Variants in EDIL3 observed in about 807,000 individuals in gnomAD.
The protein encoded by EDIL3 is EGF like and discoidin domains 3.
EDIL3 carries 37 observed loss-of-function variants against 67.4 expected under a neutral mutation model. The observed-to-expected ratio is 0.55, with a 90% CI of 0.42 to 0.72. The LOEUF is 0.72. Ranked by LOEUF, EDIL3 falls within the 30% of genes least tolerant of loss-of-function variation. The pLI is 0.00. For missense variants in EDIL3, 527 were observed against 586.3 expected (o/e 0.90, Z 1.04); for synonymous variants, 195 against 196.3 (o/e 0.99, Z 0.05).
rs1430333354 is a variant in EDIL3 at position 84,251,387 on chromosome 5, C to T, written c.196+2697G>A. On this transcript the variant is annotated intron_variant, in intron 2 of 10. Transcript: ENST00000296591. ...CGGCCTTCCAAAGTGCTGGGATTACCGACCAGCGTGAGCCACCACGCCCGG... is the reference window on the plus strand; with the variant it reads ...CGGCCTTCCAAAGTGCTGGGATTACTGACCAGCGTGAGCCACCACGCCCGG... Among the ~76,000 whole-genome samples the T allele has an allele frequency of 3.3e-5, 5 of 150,852 alleles. No homozygotes were observed. The East Asian group carries it at 5.8e-4, about 18-fold the overall frequency.
At chr5:84,168,417 G>A (rs991723358) in intron 4 of EDIL3, among the ~76,000 whole-genome samples, 22 of 151,924 alleles carry the variant, frequency 1.4e-4, no homozygotes, top group African/African-American at 5.3e-4. Flanking sequence ...ATATATTTAA[G>A]ACCTTCCTTG....
At chr5:84,170,459 T>C (rs1285974309) in intron 4 of EDIL3, among the ~76,000 whole-genome samples, 1 of 152,182 alleles carries the variant, frequency 6.6e-6, no homozygotes, top group Non-Finnish European at 1.5e-5. Context: ...TCTTCCCTTA[T>C]CACTATGTTC....
chr5:84,127,991 A>G (rs1250752936), intron 5 of EDIL3, among the ~76,000 whole-genome samples: 1 of 152,170 alleles, frequency 6.6e-6, no homozygotes, highest in Non-Finnish European at 1.5e-5. Flanking sequence ...TAAGCAGTGA[A>G]AAAGGTTGCT....
intron 1 of EDIL3, among the ~76,000 whole-genome samples, chr5:84,335,476 G>C (rs1228133723): frequency 6.6e-6 from 1 of 152,056 alleles, no homozygotes; most frequent in African/African-American, 2.4e-5. Context: ...CGGAAGGCAA[G>C]CCCTAACCTA....
At chr5:84,256,635 T>C (rs1475350919) in intron 1 of EDIL3, among the ~76,000 whole-genome samples, 3 of 152,174 alleles carry the variant, frequency 2.0e-5, no homozygotes, top group African/African-American at 7.2e-5. Flanking sequence ...TCTTGTATGC[T>C]GTGCCAAAAA....
intron 5 of EDIL3, among the ~76,000 whole-genome samples, chr5:84,112,159 G>A (rs994686351): frequency 1.3e-5 from 2 of 152,124 alleles, no homozygotes; most frequent in African/African-American, 4.8e-5. Flanking sequence ...TAGTGATGGG[G>A]AGTTTTTGAA....
At chr5:84,224,721 G>A (rs1052997188) in intron 3 of EDIL3, among the ~76,000 whole-genome samples, 17 of 151,442 alleles carry the variant, frequency 1.1e-4, no homozygotes, top group African/African-American at 3.9e-4. Flanking sequence ...TGTTTTTAAA[G>A]GCATATATAT....
intron 3 of EDIL3, among the ~76,000 whole-genome samples, chr5:84,186,191 G>GA (rs200185359): frequency 4.6e-5 from 7 of 151,362 alleles, no homozygotes; most frequent in African/African-American, 9.7e-5. Flanking sequence ...TTTTGATACT[G>GA]AAAAAAAATA....
At chr5:84,073,028 G>C (rs10077628) in intron 6 of EDIL3, among the ~76,000 whole-genome samples, 30,757 of 152,084 alleles carry the variant, frequency 0.2, 3,262 homozygotes, top group African/African-American at 0.25. Context: ...ATATCTGCAT[G>C]TCTAGATTTG....
In EDIL3 at chr5:84,246,766, T is replaced by C. The variant is rs149780543; in HGVS notation, c.196+7318A>G. Among the ~76,000 whole-genome samples the C allele has an allele frequency of 4.0e-4, 61 of 152,264 alleles. No individual in the cohort carries two copies. The East Asian group carries it at 9.1e-3, about 23-fold the overall frequency. ...TTTTTTCTTTCTGAAAGTTAACATA[T>C]AATTGTCACAGCTTGGAATTGCAAA... On this transcript the variant is annotated intron_variant, in intron 2 of 10. Transcript: ENST00000296591.
chr5:84,311,319 T>C (rs1467521823), intron 1 of EDIL3, among the ~76,000 whole-genome samples: 2 of 147,176 alleles, frequency 1.4e-5, no homozygotes, highest in African/African-American at 4.9e-5. Context: ...TTTCTTTTTT[T>C]TTTTCTTTTT....
intron 5 of EDIL3, among the ~76,000 whole-genome samples, chr5:84,128,909 T>A (rs909439477): frequency 1.5e-4 from 21 of 140,882 alleles, no homozygotes; most frequent in Admixed American, 4.3e-4. Context: ...AAACAAAAAC[T>A]TCTTACGGAA....
At chr5:84,335,949 G>A (rs1746977032) in intron 1 of EDIL3, among the ~76,000 whole-genome samples, 1 of 152,212 alleles carries the variant, frequency 6.6e-6, no homozygotes, top group South Asian at 2.1e-4. Flanking sequence ...ATGGAGGAAG[G>A]TGGAAAAGCA....
chr5:84,319,566 G>T (rs181591961), intron 1 of EDIL3, among the ~76,000 whole-genome samples: 24 of 123,310 alleles, frequency 1.9e-4, no homozygotes, highest in African/African-American at 7.2e-4. Flanking sequence ...GTGTAAATTA[G>T]TTCAACCATT....
intron 6 of EDIL3, among the ~76,000 whole-genome samples, chr5:84,104,724 G>A (rs1456481480): frequency 6.6e-6 from 1 of 151,964 alleles, no homozygotes; most frequent in African/African-American, 2.4e-5. Flanking sequence ...TCACTGTCCT[G>A]TTCGATTAAG....
At chr5:84,066,111 T>C (rs1201842682) in intron 7 of EDIL3, among the ~76,000 whole-genome samples, 3 of 133,458 alleles carry the variant, frequency 2.2e-5, no homozygotes, top group Non-Finnish European at 4.6e-5. Context: ...TGAGACTTTG[T>C]CTCAAAAAAA....
chr5:84,141,924 C>CAT lies in EDIL3; in HGVS notation c.356-4571_356-4570insAT, dbSNP rs1267450756. Among the ~76,000 whole-genome samples the CAT allele has an allele frequency of 1.8e-3, 229 of 128,692 alleles. 2 individuals are homozygous for CAT. The highest frequency in any genetic ancestry group is 6.6e-3 in the African/African-American group (209 of 31,804). 84.4% of individuals were successfully genotyped at this position (128,692 alleles called of 152,430 possible). ...AACTACTCATATATATATATATATA[C>CAT]ACATATATATATATATATATATACA... On this transcript the variant is annotated intron_variant, in intron 4 of 10. Coordinates refer to ENST00000296591, the MANE Select transcript of EDIL3 (RefSeq NM_005711.5).
chr5:83,988,667 A>G (rs1332469983), intron 9 of EDIL3, among the ~76,000 whole-genome samples: 3 of 152,110 alleles, frequency 2.0e-5, no homozygotes, highest in African/African-American at 7.2e-5. Flanking sequence ...TCCTTATACA[A>G]CTGCTTGCAG....
intron 10 of EDIL3, among the ~76,000 whole-genome samples, 197 bp from the exon 11 acceptor site, chr5:83,943,765 A>G (rs1047268310): frequency 1.3e-5 from 2 of 151,998 alleles, no homozygotes; most frequent in African/African-American, 4.8e-5. Context: ...AAAGAGTTAA[A>G]CCTTTATTGT....
Sources: gnomAD v4.1 joint callset for allele counts (sites outside exome capture counted in the v4.1 genomes callset) on GRCh38, gnomAD v4.1.1 for gene constraint, MANE v1.5 for transcripts, NCBI Gene and HGNC (gene_info 2026-07-23, HGNC 2026-07-21) for gene names.